The following FREM2 variants were observed in gnomAD, a reference collection of about 807,000 sequenced individuals.
FREM2 encodes the protein FRAS1-related extracellular matrix protein 2.
FREM2 carries 119 observed loss-of-function variants against 219.9 expected under a neutral mutation model. The observed-to-expected ratio is 0.54, with a 90% confidence interval of 0.47 to 0.63. FREM2 has a LOEUF of 0.63. Among genes scored for constraint, FREM2 ranks in the 30% least tolerant of loss-of-function variants. The probability of loss-of-function intolerance (pLI) is 0.00; values close to 1 mark genes in which losing one functional copy is unlikely to be tolerated. For synonymous variants in FREM2, 1,562 were observed against 1,522.8 expected, an observed-to-expected ratio of 1.03 and a Z score of -0.60; for missense variants, 4,030 against 3,993.6, an observed-to-expected ratio of 1.01 and a Z score of -0.25.
intron 2 of FREM2, among the ~76,000 whole-genome samples, chr13:38,724,867 C>T (rs867058204): frequency 6.6e-5 from 10 of 152,246 alleles, no homozygotes; most frequent in Middle Eastern, 3.4e-3. Context: ...TGAGATTTAC[C>T]TTAATTGTAG....
chr13:38,836,736 G>T (rs1174587081), intron 6 of FREM2, among the ~76,000 whole-genome samples: 1 of 152,136 alleles, frequency 6.6e-6, no homozygotes. Flanking sequence ...TTATGTAGAG[G>T]TGTTTATAGT....
intron 6 of FREM2, among the ~76,000 whole-genome samples, chr13:38,829,253 G>A (rs1876415398): frequency 6.6e-6 from 1 of 152,056 alleles, no homozygotes; most frequent in Non-Finnish European, 1.5e-5. Context: ...ATCCATATTG[G>A]CATTCACTGT....
intron 6 of FREM2, among the ~76,000 whole-genome samples, chr13:38,838,263 T>C (rs926242256): frequency 2.6e-5 from 4 of 152,194 alleles, no homozygotes; most frequent in African/African-American, 9.7e-5. Flanking sequence ...AAAATTCTTT[T>C]CTTTAAGAAT....
At chr13:38,708,685 C>A (rs1206559463) in intron 2 of FREM2, among the ~76,000 whole-genome samples, 4 of 152,018 alleles carry the variant, frequency 2.6e-5, no homozygotes, top group African/African-American at 4.8e-5. Context: ...TAAAAAAAGT[C>A]TTTCCTCCCT....
intron 2 of FREM2, among the ~76,000 whole-genome samples, chr13:38,739,727 A>G (rs1364289181): frequency 1.3e-5 from 2 of 151,856 alleles, no homozygotes; most frequent in African/African-American, 2.4e-5. Context: ...CTAGTCATCT[A>G]CTTCCCAGAG....
At chr13:38,861,333 A>G (rs777365882) in intron 14 of FREM2, 98 bp from the exon 15 acceptor site, 6 of 1,269,354 alleles carry the variant, frequency 4.7e-6, no homozygotes, top group Non-Finnish European at 6.8e-6. Context: ...AGAAGTTGAA[A>G]GTACACAGAA....
In FREM2 at chr13:38,878,822, T is replaced by A; in HGVS notation, c.8860-9T>A. ...CTACAGCAATCACCACTTTCCTTAC[T>A]GCTTAAAGGACAAAGCTCAGCCAGA... On this transcript the variant is annotated splice_polypyrimidine_tract_variant and intron_variant, in intron 22 of 23. Coordinates refer to ENST00000280481, the MANE Select transcript of FREM2 (RefSeq NM_207361.6). 1 of 1,614,152 alleles carries A rather than the reference T, an allele frequency of 6.2e-7. No individual in the cohort carries two copies. Among genetic ancestry groups the A allele is most frequent in the Non-Finnish European group, 8.5e-7 (1 of 1,179,952 alleles).
At chr13:38,842,112 C>T (rs1443521116) in intron 6 of FREM2, among the ~76,000 whole-genome samples, 5 of 152,088 alleles carry the variant, frequency 3.3e-5, no homozygotes, top group Non-Finnish European at 2.9e-5. Context: ...CTGGGAGGGG[C>T]ACATTTAAGA....
In FREM2 at chr13:38,687,521, T is replaced by C. The variant is rs370018440; in HGVS notation, c.177T>C (p.Gly59=). The change falls in exon 1 of 24, where the codon GGT becomes GGC. Residue 59 remains glycine (G), a synonymous_variant. Coordinates refer to ENST00000280481, the MANE Select transcript of FREM2 (RefSeq NM_207361.6). ...AAFGRALLSP[G]LAGAAGVPAE... ...TCGGCAGGGCGTTGCTGTCCCCTGGTCTCGCGGGGGCTGCAGGGGTCCCTG... is the reference window on the plus strand; with the variant it reads ...TCGGCAGGGCGTTGCTGTCCCCTGGCCTCGCGGGGGCTGCAGGGGTCCCTG... 1.3e-4 allele frequency: 214 copies of C among 1,598,670 alleles called. 1 individual carries two copies. In the African/African-American group the frequency reaches 2.6e-3, roughly 19 times the overall value.
At chr13:38,774,589 A>T (rs561069256) in intron 4 of FREM2, among the ~76,000 whole-genome samples, 1 of 152,316 alleles carries the variant, frequency 6.6e-6, no homozygotes, top group Admixed American at 6.5e-5. Context: ...TTAAGTTACT[A>T]AGCTGTCAGA....
In FREM2 at chr13:38,829,520, G is replaced by A. The variant is rs1156910096; in HGVS notation, c.6020-17053G>A. ...TTATACAAAAAGACAAACATTAATAGGAAAAAATACAAACACTATGATACA... is the reference window on the plus strand; with the variant it reads ...TTATACAAAAAGACAAACATTAATAAGAAAAAATACAAACACTATGATACA... On this transcript the variant is annotated intron_variant, in intron 6 of 23. Transcript: ENST00000280481. Among the ~76,000 whole-genome samples the A allele has an allele frequency of 2.6e-5, 4 of 151,858 alleles. No individual in the cohort carries two copies. In the East Asian group the frequency reaches 7.8e-4, roughly 29 times the overall value.
rs2496427 is a variant in FREM2 at position 38,692,725 on chromosome 13, T to C, written c.5173+208T>C. ...CAGTGGCCTTCATTAGAGGGAGTAC[T>C]GATGTATTTTGAAAGTGGCAAGGAT... On this transcript the variant is annotated intron_variant, in intron 1 of 23. Transcript: ENST00000280481. Among the ~76,000 whole-genome samples, 152,261 of 152,276 alleles carry C rather than the reference T, an allele frequency of 1. 76,123 individuals carry two copies. The highest frequency in any genetic ancestry group is 1 in the Middle Eastern group (294 of 294).
At chr13:38,810,642 C>G (rs1875440577) in intron 6 of FREM2, among the ~76,000 whole-genome samples, 1 of 151,860 alleles carries the variant, frequency 6.6e-6, no homozygotes. Flanking sequence ...TATGTTAAAC[C>G]ATCCTTGCAT....
chr13:38,864,972 G>A (rs1179022896), intron 16 of FREM2, among the ~76,000 whole-genome samples: 2 of 151,438 alleles, frequency 1.3e-5, no homozygotes, highest in Admixed American at 1.3e-4. Context: ...CTGTGATGTT[G>A]TATCATGAGC....
intron 20 of FREM2, 74 bp from the exon 21 acceptor site, chr13:38,877,043 T>C: frequency 2.7e-6 from 4 of 1,504,702 alleles, no homozygotes; most frequent in South Asian, 2.3e-5. Context: ...GGTGAATGTA[T>C]GTATCTGTGA....
Position 38,690,072 on chromosome 13 carries a change from C to T in FREM2, c.2728C>T (p.Leu910=), listed in dbSNP as rs753600025. The T allele has an allele frequency of 6.8e-6, 11 of 1,614,056 alleles. No individual in the cohort carries two copies. In the East Asian group the frequency reaches 8.9e-5, roughly 13 times the overall value. The change falls in exon 1 of 24, where the codon CTG becomes TTG. Residue 910 remains leucine, a synonymous_variant. Coordinates refer to ENST00000280481, the MANE Select transcript of FREM2 (RefSeq NM_207361.6). ...VSYAHNGDKS[L]TDSCSLEVSD... is the part of the protein sequence containing the mutation. ...CTATGCCCATAATGGGGACAAGTCC[C>T]TGACTGATAGCTGCTCCTTGGAAGT...
chr13:38,817,638 T>C (rs1459800213), intron 6 of FREM2, among the ~76,000 whole-genome samples: 2 of 152,070 alleles, frequency 1.3e-5, no homozygotes, highest in African/African-American at 2.4e-5. Flanking sequence ...CATCAGAGCA[T>C]TGGGCTGGGC....
At chr13:38,777,878 C>G (rs1873937105) in intron 4 of FREM2, among the ~76,000 whole-genome samples, 1 of 152,212 alleles carries the variant, frequency 6.6e-6, no homozygotes, top group African/African-American at 2.4e-5. Context: ...AAACTTGATA[C>G]TGGGCCTATT....
chr13:38,842,844 C>T (rs1566163027), intron 6 of FREM2, among the ~76,000 whole-genome samples: 1 of 152,200 alleles, frequency 6.6e-6, no homozygotes, highest in African/African-American at 2.4e-5. Flanking sequence ...ACCTGTCCAC[C>T]TCTTCTACGT....
Sources: allele counts gnomAD v4.1 joint callset (sites outside exome capture counted in the v4.1 genomes callset), GRCh38; gene constraint gnomAD v4.1.1; transcripts MANE v1.5; gene names NCBI Gene and HGNC (gene_info 2026-07-23, HGNC 2026-07-21).